Variants in TENM3 observed in about 807,000 individuals in gnomAD.
TENM3 encodes teneurin-3.
Under a neutral mutation model 255.1 loss-of-function variants are expected in TENM3, and 63 were observed. The ratio of observed to expected loss-of-function variants is 0.25; its 90% CI spans 0.20 to 0.30. TENM3 has a LOEUF of 0.30. TENM3 is among the 10% of genes least tolerant of loss of function. The probability of loss-of-function intolerance (pLI) is 1.00; values close to 1 mark genes in which losing one functional copy is unlikely to be tolerated. For synonymous variants in TENM3, 1,306 were observed against 1,322.3 expected (o/e 0.99, Z 0.27); for missense variants, 2,929 against 3,461.1 (o/e 0.85, Z 3.86).
intron 4 of TENM3, among the ~76,000 whole-genome samples, chr4:182,617,013 A>G (rs1207608819): frequency 6.6e-6 from 1 of 152,228 alleles, no homozygotes. Flanking sequence ...TGCTAAATAT[A>G]CATTTCACAG....
chr4:182,189,075 TAATC>T (rs1753346280), intron 1 of TENM3, among the ~76,000 whole-genome samples: 1 of 152,152 alleles, frequency 6.6e-6, no homozygotes. Context: ...TAATATTAAA[TAATC>T]AAAATATAAA....
the TENM3 span, among the ~76,000 whole-genome samples, chr4:182,121,125 A>C: frequency 4.0e-5 from 6 of 151,706 alleles, no homozygotes; most frequent in African/African-American, 1.5e-4. Flanking sequence ...CAGCCTCCCG[A>C]GTAGCTGGGA....
the TENM3 span, among the ~76,000 whole-genome samples, chr4:181,875,614 A>G: frequency 5.3e-5 from 8 of 152,220 alleles, no homozygotes; most frequent in East Asian, 1.4e-3. Flanking sequence ...CTCCCTCTCA[A>G]TGAGTCAAAA....
the TENM3 span, among the ~76,000 whole-genome samples, chr4:182,038,283 C>T: frequency 1.4e-4 from 22 of 152,072 alleles, no homozygotes; most frequent in Non-Finnish European, 3.2e-4. Context: ...GCAATGATTT[C>T]CGCTAACTAG....
chr4:181,847,194 T>C, the TENM3 span, among the ~76,000 whole-genome samples: 1 of 152,208 alleles, frequency 6.6e-6, no homozygotes, highest in Non-Finnish European at 1.5e-5. Flanking sequence ...TGGAAAACGT[T>C]ATAACAGAGA....
chr4:182,614,786 C>G (rs1168207288), intron 4 of TENM3, among the ~76,000 whole-genome samples: 1 of 151,384 alleles, frequency 6.6e-6, no homozygotes, highest in East Asian at 1.9e-4. Context: ...CTCTTTAACT[C>G]TAACAATGAG....
chr4:182,167,461 T>C lies in TENM3; in HGVS notation c.-76+22707T>C, dbSNP rs1370541209. On this transcript the variant is annotated intron_variant, in intron 1 of 2. Coordinates refer to the TENM3 transcript ENST00000512480. ...ATATTGATTATGCTAATTTATAGTCTAAATGTACAATTAGATTCAGGAGGC... is the reference window on the plus strand; with the variant it reads ...ATATTGATTATGCTAATTTATAGTCCAAATGTACAATTAGATTCAGGAGGC... Among the ~76,000 whole-genome samples the C allele has an allele frequency of 2.6e-5, 4 of 152,222 alleles. No individual in the cohort carries two copies. The East Asian group carries it at 7.7e-4, about 29-fold the overall frequency.
the TENM3 span, among the ~76,000 whole-genome samples, chr4:181,965,527 T>C: frequency 6.6e-6 from 1 of 152,186 alleles, no homozygotes; most frequent in African/African-American, 2.4e-5. Flanking sequence ...GATGCTTATT[T>C]ATGACCCTCC....
the TENM3 span, among the ~76,000 whole-genome samples, chr4:181,642,228 A>G: frequency 6.7e-6 from 1 of 149,668 alleles, no homozygotes; most frequent in Non-Finnish European, 1.5e-5. Flanking sequence ...ACCAGTGATG[A>G]TGATTTTTTT....
At chr4:182,669,382 G>T (rs1474381780) in intron 6 of TENM3, among the ~76,000 whole-genome samples, 1 of 152,014 alleles carries the variant, frequency 6.6e-6, no homozygotes, top group African/African-American at 2.4e-5. Context: ...CCATTCTCCT[G>T]CCTCAGCCTC....
chr4:181,575,059 C>G, the TENM3 span, among the ~76,000 whole-genome samples: 1 of 152,080 alleles, frequency 6.6e-6, no homozygotes, highest in Non-Finnish European at 1.5e-5. Flanking sequence ...AATGTAAGAA[C>G]ATATAAAACA....
chr4:181,740,489 G>C, the TENM3 span, among the ~76,000 whole-genome samples: 1 of 151,986 alleles, frequency 6.6e-6, no homozygotes, highest in African/African-American at 2.4e-5. Flanking sequence ...AGACCACAAA[G>C]AGCTGTAGTT....
chr4:182,283,729 T>C (rs946162551), intron 1 of TENM3, among the ~76,000 whole-genome samples: 6 of 152,170 alleles, frequency 3.9e-5, no homozygotes, highest in African/African-American at 1.4e-4. Context: ...TGAAATACTC[T>C]CTGAGATTTG....
At position 182,314,194 on chromosome 4, in the gene TENM3, G is replaced by A. The variant is rs1762613311; in HGVS notation, c.-75-9752G>A. ...CAAGCGCCTGTAGTCCCAGCTACTC[G>A]GGAGGCTGAGGCAGGAGAATGGCGT... On this transcript the variant is annotated intron_variant, in intron 1 of 27. Transcript: ENST00000511685. Among the ~76,000 whole-genome samples, 2 of 152,096 alleles carry A rather than the reference G, an allele frequency of 1.3e-5. 1 individual carries two copies. The highest frequency in any genetic ancestry group is 3.9e-4 in the East Asian group (2 of 5,178).
chr4:182,072,161 C>T, the TENM3 span, among the ~76,000 whole-genome samples: 3 of 152,188 alleles, frequency 2.0e-5, no homozygotes, highest in Non-Finnish European at 4.4e-5. Flanking sequence ...GCTTAACTGC[C>T]TTGTGGGATA....
intron 12 of TENM3, among the ~76,000 whole-genome samples, chr4:182,695,416 T>A (rs1226863844): frequency 2.0e-5 from 3 of 152,212 alleles, no homozygotes; most frequent in Admixed American, 6.5e-5. Flanking sequence ...CAACATCCTC[T>A]CCACCACACT....
chr4:182,097,229 A>T, the TENM3 span, among the ~76,000 whole-genome samples: 1 of 152,212 alleles, frequency 6.6e-6, no homozygotes, highest in East Asian at 1.9e-4. Flanking sequence ...AAAATAGCTT[A>T]AAACTAATAA....
chr4:182,306,190 CTTTCTTTTTT>C (rs1200763155), intron 1 of TENM3, among the ~76,000 whole-genome samples: 2 of 151,922 alleles, frequency 1.3e-5, no homozygotes, highest in Non-Finnish European at 2.9e-5. Context: ...TAGTTTCTTT[CTTTCTTTTTT>C]TTTCTTTTTT....
At chr4:181,875,036 T>C in the TENM3 span, among the ~76,000 whole-genome samples, 1 of 152,230 alleles carries the variant, frequency 6.6e-6, no homozygotes, top group Admixed American at 6.5e-5. Flanking sequence ...CTCATGGCCA[T>C]GTGTTGACGT....
Sources: allele counts gnomAD v4.1 joint callset (sites outside exome capture counted in the v4.1 genomes callset), GRCh38; gene constraint gnomAD v4.1.1; transcripts MANE v1.5; gene names NCBI Gene and HGNC (gene_info 2026-07-23, HGNC 2026-07-21).